P2RY6: variants seen among roughly 807,000 people sequenced by gnomAD.
P2RY6 encodes pyrimidinergic receptor P2Y6, also known as P2Y purinoceptor 6.
In P2RY6, 19 loss-of-function variants were observed where a neutral mutation model predicts 16.3. The ratio of observed to expected loss-of-function variants is 1.16; its 90% CI spans 0.81 to 1.71. P2RY6 has a LOEUF of 1.71. P2RY6 is among the 40% of genes most tolerant of loss of function. The pLI, the probability that P2RY6 is intolerant of heterozygous loss-of-function variation, is 0.00. For missense variants in P2RY6, 389 were observed against 455.5 expected (o/e 0.85, Z 1.33); for synonymous variants, 184 against 201.5 (o/e 0.91, Z 0.74).
At position 73,297,028 on chromosome 11, in the gene P2RY6, C is replaced by A. The variant is rs995572056; in HGVS notation, c.510C>A (p.Ile170=). 1 of 1,600,658 alleles carries A rather than the reference C, an allele frequency of 6.2e-7. No individual in the cohort carries two copies. Among genetic ancestry groups the A allele is most frequent in the African/African-American group, 1.3e-5 (1 of 74,956 alleles). Reference sequence around the variant, plus strand: ...CAGCCATCTTCGCTGCCACAGGCATCCAGCGTAACCGCACTGTCTGCTATG... The same window carrying A: ...CAGCCATCTTCGCTGCCACAGGCATACAGCGTAACCGCACTGTCTGCTATG... ...LPTAIFAATG[I]QRNRTVCYDL... Residue 170 remains isoleucine, a synonymous_variant, in exon 3 of 3, where the codon ATC becomes ATA. Transcript: ENST00000540124.
At chr11:73,270,652 A>G (rs992221815), upstream of P2RY6, among the ~76,000 whole-genome samples, 3 of 152,136 alleles carry the variant, frequency 2.0e-5, no homozygotes, top group East Asian at 5.8e-4. Flanking sequence ...GGAAGCAGAG[A>G]GCTTCCCCAG....
intron 1 of P2RY6, among the ~76,000 whole-genome samples, chr11:73,293,853 G>A (rs1429007531): frequency 2.0e-5 from 3 of 152,122 alleles, no homozygotes; most frequent in Non-Finnish European, 4.4e-5. Flanking sequence ...CCCTGGGGGT[G>A]GGATCTGAGG....
chr11:73,281,173 C>A (rs1400712808), intron 1 of P2RY6, among the ~76,000 whole-genome samples: 2 of 152,168 alleles, frequency 1.3e-5, no homozygotes, highest in African/African-American at 2.4e-5. Flanking sequence ...ACAGCGGGCT[C>A]TTGGCACTGA....
chr11:73,289,151 C>T (rs1864087249), intron 1 of P2RY6, among the ~76,000 whole-genome samples: 1 of 152,274 alleles, frequency 6.6e-6, no homozygotes, highest in Non-Finnish European at 1.5e-5. Flanking sequence ...AGGATCTACG[C>T]AGCCTGAAGG....
In P2RY6 at chr11:73,297,345, T is replaced by G. The variant is rs576807939; in HGVS notation, c.827T>G (p.Leu276Trp). ...RSTPGVPCTVLEAFAAAYKGT... is the reference protein window; with the variant it reads ...RSTPGVPCTVWEAFAAAYKGT... ...ACGCCGGGCGTCCCCTGCACTGTAT[T>G]GGAGGCCTTTGCAGCGGCCTACAAA... The change falls in exon 3 of 3, where the codon TTG (leucine) becomes TGG (tryptophan). Residue 276 changes from leucine (L) to tryptophan (W), a missense_variant. Coordinates refer to ENST00000540124, the MANE Select transcript of P2RY6 (RefSeq NM_001277204.2). The G allele has an allele frequency of 2.5e-6, 4 of 1,612,460 alleles. No individual in the cohort carries two copies. The highest frequency in any genetic ancestry group is 2.2e-5 in the East Asian group (1 of 44,884).
At chr11:73,274,662 C>T (rs1483053362) in intron 1 of P2RY6, among the ~76,000 whole-genome samples, 1 of 152,138 alleles carries the variant, frequency 6.6e-6, no homozygotes, top group Non-Finnish European at 1.5e-5. Flanking sequence ...GGATCCTGTC[C>T]AATGTGGGAG....
At chr11:73,268,826 G>T (rs994591696), upstream of P2RY6, among the ~76,000 whole-genome samples, 1 of 152,246 alleles carries the variant, frequency 6.6e-6, no homozygotes, top group East Asian at 1.9e-4. Flanking sequence ...CCTGGGAGCA[G>T]CAAGGGGCCA....
intron 1 of P2RY6, among the ~76,000 whole-genome samples, chr11:73,285,249 T>A (rs746495536): frequency 6.6e-5 from 10 of 152,164 alleles, no homozygotes; most frequent in Admixed American, 1.3e-4. Context: ...TTTTAAACAT[T>A]TTTTGGTAGA....
rs74817358 is a variant in P2RY6 at position 73,286,105 on chromosome 11, G to C, written c.-120-9625G>C. ...AGCCCAGTCAGGGAGGCTTCAGAGA[G>C]CCCCCTTCTCTGAGGGGATGATGGG... On this transcript the variant is annotated intron_variant, in intron 1 of 2. Transcript: ENST00000540124. Among the ~76,000 whole-genome samples the C allele has an allele frequency of 2.4e-3, 360 of 152,316 alleles. 2 individuals carry two copies. The highest frequency in any genetic ancestry group is 8.2e-3 in the African/African-American group (341 of 41,550).
intron 1 of P2RY6, among the ~76,000 whole-genome samples, chr11:73,267,277 C>A (rs1335650187): frequency 1.3e-5 from 2 of 152,184 alleles, no homozygotes; most frequent in East Asian, 1.9e-4. Flanking sequence ...CCTGCCTAAG[C>A]CAGCCTGGAG....
At chr11:73,290,356 AAAG>A in intron 1 of P2RY6, among the ~76,000 whole-genome samples, 1 of 115,784 alleles carries the variant, frequency 8.6e-6, no homozygotes, top group African/African-American at 3.6e-5. Flanking sequence ...AGAAAGAAAG[AAAG>A]AAAGAAGGAA....
chr11:73,264,583 G>A (rs1863041242), exon 1 of P2RY6: 1 of 152,502 alleles, frequency 6.6e-6, no homozygotes, highest in Non-Finnish European at 1.5e-5. Context: ...CATTTGACGG[G>A]TTCGCCTCCT....
rs769917333 is a variant in P2RY6, at chr11:73,296,608, A to C, written c.90A>C (p.Pro30=). Residue 30 remains proline (P), a synonymous_variant, in exon 3 of 3, where the codon CCA becomes CCC. Transcript: ENST00000540124. The part of the protein sequence containing the change: ...YRENFKQLLL[P]PVYSAVLAAG... ...AGAACTTCAAGCAACTGCTGCTGCC[A>C]CCTGTGTATTCGGCGGTGCTGGCGG... 5 of 1,614,064 alleles carry C rather than the reference A, an allele frequency of 3.1e-6. No individual in the cohort carries two copies. The South Asian group carries it at 4.4e-5, about 14-fold the overall frequency.
At chr11:73,290,348 AAAG>A (rs1235977867) in intron 1 of P2RY6, among the ~76,000 whole-genome samples, 49 of 142,250 alleles carry the variant, frequency 3.4e-4, no homozygotes, top group South Asian at 2.1e-4. Flanking sequence ...AGAAAGAAAG[AAAG>A]AAAGAAAGAA....
chr11:73,280,241 A>T (rs1863703404), intron 1 of P2RY6, among the ~76,000 whole-genome samples: 2 of 152,122 alleles, frequency 1.3e-5, no homozygotes, highest in Non-Finnish European at 2.9e-5. Context: ...TGCTACCTTG[A>T]GCTAATCTTT....
chr11:73,287,301 G>A (rs1258857869), intron 1 of P2RY6, among the ~76,000 whole-genome samples: 2 of 152,208 alleles, frequency 1.3e-5, no homozygotes. Flanking sequence ...TGATGCCCCA[G>A]TAAAAGCGCC....
At chr11:73,283,486 C>T (rs1448607282) in intron 1 of P2RY6, among the ~76,000 whole-genome samples, 1 of 152,206 alleles carries the variant, frequency 6.6e-6, no homozygotes, top group African/African-American at 2.4e-5. Context: ...CCTCCCCTAG[C>T]CCTGCACCAG....
Position 73,296,655 on chromosome 11 carries a change from G to T in P2RY6, c.137G>T (p.Cys46Phe), listed in dbSNP as rs777395141. 1.2e-6 allele frequency: 2 copies of T among 1,614,048 alleles called. No individual in the cohort carries two copies. The highest frequency in any genetic ancestry group is 1.7e-6 in the Non-Finnish European group (2 of 1,180,042). Residue 46 changes from cysteine to phenylalanine, a missense_variant, in exon 3 of 3, where the codon TGT becomes TTT. Physicochemically the swap from Cys to Phe is radical, Grantham distance 205 (BLOSUM62 -2). Coordinates refer to ENST00000540124, the MANE Select transcript of P2RY6 (RefSeq NM_001277204.2). ...VLAAGLPLNI[C>F]VITQICTSRR... ...GCGGCTGGCCTGCCGCTGAACATCTGTGTCATTACCCAGATCTGCACGTCC... is the reference window on the plus strand; with the variant it reads ...GCGGCTGGCCTGCCGCTGAACATCTTTGTCATTACCCAGATCTGCACGTCC...
rs1422384642 is a variant in P2RY6 at position 73,297,876 on chromosome 11, G to C, written c.*371G>C. The C allele has an allele frequency of 1.6e-5, 4 of 242,542 alleles. No homozygotes were observed. Among genetic ancestry groups the C allele is most frequent in the African/African-American group, 9.1e-5 (4 of 43,896 alleles). 15.0% of individuals were successfully genotyped at this position (242,542 alleles called of 1,614,324 possible). A position where few individuals can be genotyped will look rare whatever the true frequency, so the allele number is the denominator to read the frequency against. On this transcript the variant is annotated 3_prime_UTR_variant, in exon 3 of 3. Transcript: ENST00000540124. ...GGGAAGATGAGAGGGGGAGGTGAGA[G>C]CTTCTGGGAAGGGGCATTTGAGCTG...
Sources: gnomAD v4.1 joint callset for allele counts (sites outside exome capture counted in the v4.1 genomes callset) on GRCh38, gnomAD v4.1.1 for gene constraint, MANE v1.5 for transcripts, NCBI Gene and HGNC (gene_info 2026-07-23, HGNC 2026-07-21) for gene names.